SLC2A9: variants seen among roughly 807,000 people sequenced by gnomAD.
SLC2A9 encodes solute carrier family 2 member 9.
SLC2A9 carries 39 observed loss-of-function variants against 50.6 expected under a neutral mutation model. The ratio of observed to expected loss-of-function variants is 0.77; its 90% confidence interval spans 0.60 to 1.01. The LOEUF is 1.01. Among genes scored for constraint, SLC2A9 ranks in the 50% least tolerant of loss-of-function variants. The probability of loss-of-function intolerance (pLI) is 0.00; values close to 1 mark genes in which losing one functional copy is unlikely to be tolerated. For missense variants in SLC2A9, 686 were observed against 677.6 expected (o/e 1.01, Z -0.14); for synonymous variants, 324 against 276.9 (o/e 1.17, Z -1.69).
chr4:9,837,415 T>G (rs1727278736), intron 10 of SLC2A9, among the ~76,000 whole-genome samples: 1 of 152,212 alleles, frequency 6.6e-6, no homozygotes, highest in East Asian at 1.9e-4. Context: ...TGGGAATCAG[T>G]TCACAGCAAT....
chr4:10,010,923 G>C (rs1044971146), intron 2 of SLC2A9, among the ~76,000 whole-genome samples: 2 of 152,094 alleles, frequency 1.3e-5, no homozygotes, highest in Admixed American at 6.6e-5. Context: ...ATCCCCCAGT[G>C]GTCGTTCTGC....
rs775438172 is a variant in SLC2A9, at chr4:9,920,443, C to T, written c.944G>A (p.Trp315Ter). The T allele has an allele frequency of 9.3e-6, 15 of 1,614,078 alleles. No individual in the cohort carries two copies. In the East Asian group the frequency reaches 3.1e-4, roughly 34 times the overall value. The change falls in exon 7 of 12, where the codon TGG (tryptophan) becomes TAG (stop). Residue 315 changes from tryptophan to a stop codon, truncating the protein, a stop_gained. Transcript: ENST00000264784. LOFTEE classifies it high-confidence loss of function. ...LELLRAPYVR[W>*]QVVTVIVTMA... ...GGTGACAATCACGGTGACCACCTGC[C>T]AGCGGACGTAGGGAGCTCTCAGCAG...
intron 7 of SLC2A9, 99 bp from the exon 8 acceptor site, chr4:9,908,444 CT>C: frequency 2.5e-6 from 2 of 809,908 alleles, no homozygotes; most frequent in African/African-American, 1.7e-5. Flanking sequence ...CTGGATTAAA[CT>C]CAGAGTCCCA....
chr4:10,003,182 G>A lies in SLC2A9; in HGVS notation c.250-6241C>T, dbSNP rs539070749. Among the ~76,000 whole-genome samples, 9 of 152,308 alleles carry A rather than the reference G, an allele frequency of 5.9e-5. No homozygotes were observed. The East Asian group carries it at 7.7e-4, about 13-fold the overall frequency. Reference sequence around the variant, plus strand: ...CACATGTGCAAGGTCACTCTTGCACGTGAACTTGCTCCCTATGGCACTCTT... The same window carrying A: ...CACATGTGCAAGGTCACTCTTGCACATGAACTTGCTCCCTATGGCACTCTT... On this transcript the variant is annotated intron_variant, in intron 2 of 11. Transcript: ENST00000264784.
intron 3 of SLC2A9, among the ~76,000 whole-genome samples, chr4:9,994,451 C>A (rs1440935238): frequency 6.6e-6 from 1 of 152,138 alleles, no homozygotes. Context: ...GGCATAACAA[C>A]CAACACATCC....
chr4:9,914,080 C>A (rs1444260602), intron 7 of SLC2A9, among the ~76,000 whole-genome samples: 1 of 152,212 alleles, frequency 6.6e-6, no homozygotes, highest in Admixed American at 6.5e-5. Flanking sequence ...GGTGACCCAG[C>A]TATGAGTGGC....
chr4:9,795,007 CTTTTTTTTTTT>C (rs3060726), downstream of SLC2A9, among the ~76,000 whole-genome samples: 57 of 95,190 alleles, frequency 6.0e-4, 1 homozygote, highest in African/African-American at 2.0e-3. Context: ...TTAACCCATC[CTTTTTTTTTTT>C]TTTTTTTTTT....
chr4:9,931,932 C>CTCTCTCTCTCAA (rs1746040081), intron 6 of SLC2A9, among the ~76,000 whole-genome samples: 1 of 47,884 alleles, frequency 2.1e-5, no homozygotes. Flanking sequence ...CTCTCTCTCT[C>CTCTCTCTCTCAA]TCTCTCTCTC....
intron 11 of SLC2A9, among the ~76,000 whole-genome samples, chr4:9,830,781 A>G (rs1226985894): frequency 6.6e-6 from 1 of 152,202 alleles, no homozygotes; most frequent in Non-Finnish European, 1.5e-5. Context: ...TTTATAACAA[A>G]TGGCCCAAGC....
chr4:9,879,746 C>G, intron 10 of SLC2A9: 3 of 985,412 alleles, frequency 3.0e-6, no homozygotes, highest in Non-Finnish European at 3.6e-6. Flanking sequence ...GGCACAGAGT[C>G]AGGGCTTCAT....
chr4:9,989,660 C>A (rs969593679), intron 3 of SLC2A9, among the ~76,000 whole-genome samples: 4 of 152,098 alleles, frequency 2.6e-5, no homozygotes, highest in Non-Finnish European at 5.9e-5. Context: ...TAACAGCACA[C>A]CTTTCCAAAT....
chr4:9,870,959 C>T (rs1733332686), intron 10 of SLC2A9, among the ~76,000 whole-genome samples: 1 of 152,110 alleles, frequency 6.6e-6, no homozygotes. Context: ...CTGTGTCACC[C>T]CAGTTGCAGT....
In SLC2A9 at chr4:9,898,076, G is replaced by A. The variant is rs1167326505; in HGVS notation, c.1114-7365C>T. ...ACAGCCCTCAGGAGAAGTGAGCACT[G>A]CTGATGCTTTGCTCTCAGGCTTCTG... On this transcript the variant is annotated intron_variant, in intron 8 of 11. Coordinates refer to ENST00000264784, the MANE Select transcript of SLC2A9 (RefSeq NM_020041.3). 2.0e-5 allele frequency among the ~76,000 whole-genome samples: 3 copies of A among 152,156 alleles called. No homozygotes were observed. The East Asian group carries it at 5.8e-4, about 29-fold the overall frequency.
intron 10 of SLC2A9, among the ~76,000 whole-genome samples, chr4:9,857,051 C>T (rs758025887): frequency 1.3e-5 from 2 of 152,102 alleles, no homozygotes; most frequent in Admixed American, 6.5e-5. Context: ...ATATCAAACT[C>T]CTGTAACATG....
At position 10,028,098 on chromosome 4, in the gene SLC2A9, G is replaced by C. The variant is rs1354620191; in HGVS notation, c.-40-2092C>G. 2.6e-5 allele frequency among the ~76,000 whole-genome samples: 4 copies of C among 152,224 alleles called. No homozygotes were observed. In the East Asian group the frequency reaches 5.8e-4, roughly 22 times the overall value. On this transcript the variant is annotated intron_variant, in intron 1 of 12. Coordinates refer to the SLC2A9 transcript ENST00000309065. The stretch of plus-strand genomic sequence containing the variant: ...CCTCCAGGAGGGTTTCTGCTGCTTT[G>C]ACCAGGAACCCAGCTGCCCAAGCAG...
In SLC2A9 at chr4:9,939,833, C is replaced by G. The variant is rs1383541319; in HGVS notation, c.814+2080G>C. The stretch of plus-strand genomic sequence containing the variant: ...CTCACCCTGTCACCTGGCAGAACAC[C>G]CAACATGCTAAATATCCATTGCTTG... On this transcript the variant is annotated intron_variant, in intron 6 of 11. Transcript: ENST00000264784. Among the ~76,000 whole-genome samples, 11 of 152,034 alleles carry G rather than the reference C, an allele frequency of 7.2e-5. 1 individual carries two copies. Among genetic ancestry groups the G allele is most frequent in the Non-Finnish European group, 1.6e-4 (11 of 68,010 alleles).
In SLC2A9 at chr4:9,907,824, C is replaced by T. The variant is rs535482172; in HGVS notation, c.1113+411G>A. Among the ~76,000 whole-genome samples, 23 of 152,286 alleles carry T rather than the reference C, an allele frequency of 1.5e-4. 1 individual carries two copies. In the South Asian group the frequency reaches 2.7e-3, roughly 18 times the overall value. Reference sequence around the variant, plus strand: ...GGGTAAAATGTCAGTGAAGAATATTCTCTAGATGGGTAAAATGTCAGTGAA... The same window carrying T: ...GGGTAAAATGTCAGTGAAGAATATTTTCTAGATGGGTAAAATGTCAGTGAA... On this transcript the variant is annotated intron_variant, in intron 8 of 11. Coordinates refer to ENST00000264784, the MANE Select transcript of SLC2A9 (RefSeq NM_020041.3).
At position 10,019,072 on chromosome 4, in the gene SLC2A9, T is replaced by A. The variant is rs1266362581; in HGVS notation, c.152A>T (p.Asp51Val). The part of the protein sequence containing the change: ...SGVPGGRRRK[D>V]WSCSLLVASL... ...GGCCACGAGGAGCGAGCAGGACCAG[T>A]CCTGAGGGGAGAGGAAACCACGTCA... Residue 51 changes from aspartate to valine, a missense_variant and splice_region_variant, in exon 2 of 12, where the codon GAC (aspartate) becomes GTC (valine). Physicochemically the swap from Asp to Val is radical, Grantham distance 152 (BLOSUM62 -3). Coordinates refer to ENST00000264784, the MANE Select transcript of SLC2A9 (RefSeq NM_020041.3). 34 of 1,550,940 alleles carry A rather than the reference T, an allele frequency of 2.2e-5. No individual in the cohort carries two copies. The highest frequency in any genetic ancestry group is 2.8e-5 in the Non-Finnish European group (32 of 1,146,898).
downstream of SLC2A9, chr4:9,798,815 T>C (rs1329845816): frequency 6.6e-6 from 1 of 152,226 alleles, no homozygotes; most frequent in Non-Finnish European, 1.5e-5. Context: ...ACGTGTGTGA[T>C]GTTGAGCTAC....
Sources: allele counts gnomAD v4.1 joint callset (sites outside exome capture counted in the v4.1 genomes callset), GRCh38; gene constraint gnomAD v4.1.1; transcripts MANE v1.5; gene names NCBI Gene and HGNC (gene_info 2026-07-23, HGNC 2026-07-21).